CTNNA3: variants seen among roughly 807,000 people sequenced by gnomAD.
CTNNA3 encodes the protein catenin alpha 3.
Under a neutral mutation model 95.7 loss-of-function variants are expected in CTNNA3, and 76 were observed. The ratio of observed to expected loss-of-function variants is 0.79; its 90% confidence interval spans 0.66 to 0.96. CTNNA3 has a LOEUF of 0.96. Among genes scored for constraint, CTNNA3 ranks in the 40% least tolerant of loss-of-function variants. The pLI, the probability that CTNNA3 is intolerant of heterozygous loss-of-function variation, is 0.00. For synonymous variants in CTNNA3, 431 were observed against 374.4 expected (o/e 1.15, Z -1.74); for missense variants, 1,191 against 1,089.8 (o/e 1.09, Z -1.31).
At chr10:66,852,721 T>C (rs1057174302) in intron 7 of CTNNA3, among the ~76,000 whole-genome samples, 6 of 152,176 alleles carry the variant, frequency 3.9e-5, no homozygotes, top group African/African-American at 1.4e-4. Context: ...TACCAATACT[T>C]GTAGTAGTAC....
intron 10 of CTNNA3, among the ~76,000 whole-genome samples, chr10:66,573,532 A>C (rs900528027): frequency 3.3e-5 from 5 of 152,216 alleles, no homozygotes; most frequent in Non-Finnish European, 7.3e-5. Context: ...CTGAAGTTCA[A>C]CAAAATCATT....
At chr10:66,217,368 A>AT (rs931359827) in intron 13 of CTNNA3, among the ~76,000 whole-genome samples, 3 of 151,488 alleles carry the variant, frequency 2.0e-5, no homozygotes, top group African/African-American at 7.3e-5. Flanking sequence ...AAAAAAAAAA[A>AT]GAAAGGAGTC....
chr10:67,417,236 G>C (rs1845578776), intron 5 of CTNNA3, among the ~76,000 whole-genome samples: 1 of 152,140 alleles, frequency 6.6e-6, no homozygotes, highest in Non-Finnish European at 1.5e-5. Flanking sequence ...ATAAGTGGGA[G>C]CTAAGCCTTG....
At chr10:67,488,073 A>G (rs886214773) in intron 5 of CTNNA3, among the ~76,000 whole-genome samples, 6 of 152,312 alleles carry the variant, frequency 3.9e-5, no homozygotes, top group African/African-American at 1.4e-4. Context: ...TTAAGAAATC[A>G]TACATACAGA....
At chr10:67,743,403 C>T (rs1271666096) in intron 1 of CTNNA3, among the ~76,000 whole-genome samples, 1 of 151,272 alleles carries the variant, frequency 6.6e-6, no homozygotes, top group African/African-American at 2.4e-5. Context: ...ACAAAAACCA[C>T]ATGATAATCT....
intron 15 of CTNNA3, among the ~76,000 whole-genome samples, chr10:66,017,922 G>C (rs1031074831): frequency 6.6e-6 from 1 of 151,788 alleles, no homozygotes; most frequent in Non-Finnish European, 1.5e-5. Context: ...ATCCTATACG[G>C]CCTCCTTTAT....
At chr10:67,201,941 C>A (rs1863668157) in intron 6 of CTNNA3, among the ~76,000 whole-genome samples, 1 of 152,146 alleles carries the variant, frequency 6.6e-6, no homozygotes, top group African/African-American at 2.4e-5. Context: ...GTGAGACACA[C>A]CCATGAAGAG....
intron 5 of CTNNA3, among the ~76,000 whole-genome samples, chr10:67,484,034 A>C (rs190113394): frequency 3.9e-5 from 6 of 152,350 alleles, no homozygotes; most frequent in African/African-American, 1.4e-4. Context: ...AATCCTAAGC[A>C]AATAGAATAA....
At chr10:66,687,277 GAT>G (rs1339092480) in intron 9 of CTNNA3, among the ~76,000 whole-genome samples, 1 of 151,984 alleles carries the variant, frequency 6.6e-6, no homozygotes, top group African/African-American at 2.4e-5. Context: ...AAACACTCAA[GAT>G]ATATATGTTG....
chr10:67,428,170 C>T (rs944826651), intron 5 of CTNNA3, among the ~76,000 whole-genome samples: 9 of 151,824 alleles, frequency 5.9e-5, no homozygotes, highest in African/African-American at 2.2e-4. Context: ...ATTGAATATC[C>T]CTTGACTTGA....
rs567228389 is a variant in CTNNA3, at chr10:66,681,284, T to C, written c.1282-59500A>G. Reference sequence around the variant, plus strand: ...TTACCCTGACTCATTCTGCCATCAATGTGCTGGAGTCACCATTCAACAACT... The same window carrying C: ...TTACCCTGACTCATTCTGCCATCAACGTGCTGGAGTCACCATTCAACAACT... On this transcript the variant is annotated intron_variant, in intron 9 of 17. Coordinates refer to ENST00000433211, the MANE Select transcript of CTNNA3 (RefSeq NM_013266.4). 1.7e-3 allele frequency among the ~76,000 whole-genome samples: 253 copies of C among 152,282 alleles called. 1 individual carries two copies. The highest frequency in any genetic ancestry group is 5.3e-3 in the African/African-American group (222 of 41,548).
chr10:67,746,611 C>A (rs190332562), intron 1 of CTNNA3, among the ~76,000 whole-genome samples: 1 of 152,330 alleles, frequency 6.6e-6, no homozygotes, highest in East Asian at 1.9e-4. Flanking sequence ...CAGCCCCCAC[C>A]TGCAGCCAAG....
At chr10:66,332,035 G>A (rs900008117) in intron 12 of CTNNA3, among the ~76,000 whole-genome samples, 5 of 151,982 alleles carry the variant, frequency 3.3e-5, no homozygotes, top group African/African-American at 1.2e-4. Context: ...CTCATGATTT[G>A]GCTCTCTGTT....
chr10:67,313,932 A>G (rs1840933903), intron 5 of CTNNA3, among the ~76,000 whole-genome samples: 1 of 152,182 alleles, frequency 6.6e-6, no homozygotes, highest in Admixed American at 6.5e-5. Context: ...CAAACTGAGA[A>G]AAAGAGGTCT....
rs545691561 is a variant in CTNNA3 at position 67,471,088 on chromosome 10, G to A, written c.579+50754C>T. On this transcript the variant is annotated intron_variant, in intron 5 of 17. Transcript: ENST00000433211. Reference sequence around the variant, plus strand: ...TGCCTCAGCCTCCCAAAGCACGGGGGGGTGGGGCAATTACCGGTGTGAGCC... The same window carrying A: ...TGCCTCAGCCTCCCAAAGCACGGGGAGGTGGGGCAATTACCGGTGTGAGCC... 3.5e-4 allele frequency among the ~76,000 whole-genome samples: 54 copies of A among 152,130 alleles called. 1 individual carries two copies. The highest frequency in any genetic ancestry group is 3.1e-3 in the South Asian group (15 of 4,810).
chr10:67,065,916 C>G (rs1034148707), intron 7 of CTNNA3, among the ~76,000 whole-genome samples: 1 of 139,420 alleles, frequency 7.2e-6, no homozygotes, highest in Non-Finnish European at 1.5e-5. Flanking sequence ...AAGGAAATAC[C>G]ACCCTCAATC....
At chr10:66,452,383 A>C (rs2093470204) in intron 11 of CTNNA3, among the ~76,000 whole-genome samples, 1 of 152,106 alleles carries the variant, frequency 6.6e-6, no homozygotes, top group Non-Finnish European at 1.5e-5. Flanking sequence ...TTCCTGGTGA[A>C]ATTGCCTTTA....
chr10:67,613,016 T>C (rs1234673992), intron 2 of CTNNA3, among the ~76,000 whole-genome samples: 1 of 152,244 alleles, frequency 6.6e-6, no homozygotes, highest in East Asian at 1.9e-4. Context: ...ACCTGTAGGC[T>C]ACCTGCTGCC....
chr10:66,197,055 T>A (rs2087005313), intron 13 of CTNNA3, among the ~76,000 whole-genome samples: 1 of 152,168 alleles, frequency 6.6e-6, no homozygotes. Flanking sequence ...TACCCAGCTC[T>A]AGGAAACTAC....
Sources: allele counts gnomAD v4.1 joint callset (sites outside exome capture counted in the v4.1 genomes callset), GRCh38; gene constraint gnomAD v4.1.1; transcripts MANE v1.5; gene names NCBI Gene and HGNC (gene_info 2026-07-23, HGNC 2026-07-21).